The following MAN1A2 variants were observed in gnomAD, a reference collection of about 807,000 sequenced individuals.
MAN1A2 encodes mannosidase alpha class 1A member 2, also known as mannosyl-oligosaccharide 1,2-alpha-mannosidase IB.
A neutral mutation model predicts 75.7 loss-of-function variants in MAN1A2; 26 were observed. That is an observed-to-expected ratio of 0.34 (90% CI 0.25 to 0.48). The LOEUF (loss-of-function observed/expected upper bound fraction) is 0.48. Among genes scored for constraint, MAN1A2 ranks in the 20% least tolerant of loss-of-function variants. The pLI is 0.99. For missense variants in MAN1A2, 562 were observed against 775.5 expected, an observed-to-expected ratio of 0.72 and a Z score of 3.27; for synonymous variants, 247 against 264.6, an observed-to-expected ratio of 0.93 and a Z score of 0.65.
intron 10 of MAN1A2, among the ~76,000 whole-genome samples, 195 bp downstream of exon 10, chr1:117,497,177 TCTG>T (rs1192249894): frequency 2.0e-5 from 3 of 152,158 alleles, no homozygotes; most frequent in South Asian, 2.1e-4. Context: ...AATTCTGAAT[TCTG>T]CTGCTGTTTC....
At chr1:117,448,151 T>C (rs1336457831) in intron 6 of MAN1A2, among the ~76,000 whole-genome samples, 1 of 152,144 alleles carries the variant, frequency 6.6e-6, no homozygotes, top group East Asian at 1.9e-4. Context: ...TTGTTAGCTC[T>C]ATTCCTGAAT....
intron 12 of MAN1A2, among the ~76,000 whole-genome samples, chr1:117,513,005 A>G (rs528658677): frequency 6.6e-6 from 1 of 152,280 alleles, no homozygotes; most frequent in African/African-American, 2.4e-5. Context: ...CTTTATTGAA[A>G]TATGTTAAGT....
chr1:117,501,331 G>A (rs1357020207), intron 11 of MAN1A2, among the ~76,000 whole-genome samples: 1 of 151,766 alleles, frequency 6.6e-6, no homozygotes, highest in East Asian at 1.9e-4. Flanking sequence ...AGAAGAGGGA[G>A]GAATGGAGGC....
rs374436749 is a variant in MAN1A2 at position 117,445,058 on chromosome 1, G to T, written c.950+2733G>T. 5.3e-5 allele frequency among the ~76,000 whole-genome samples: 8 copies of T among 152,074 alleles called. No homozygotes were observed. In the East Asian group the frequency reaches 1.5e-3, roughly 29 times the overall value. ...ATTCCTATTTCACTGAGATGTTCTT[G>T]TTGTTGTTTTATCATGAATGGATGT... On this transcript the variant is annotated intron_variant, in intron 6 of 12. Coordinates refer to ENST00000356554, the MANE Select transcript of MAN1A2 (RefSeq NM_006699.5).
chr1:117,435,599 A>G (rs1380721875), intron 5 of MAN1A2, among the ~76,000 whole-genome samples: 2 of 152,234 alleles, frequency 1.3e-5, no homozygotes, highest in Non-Finnish European at 2.9e-5. Flanking sequence ...CAAACATGGA[A>G]TAAAAATCCA....
chr1:117,415,315 C>A (rs1647953039), intron 4 of MAN1A2, among the ~76,000 whole-genome samples: 1 of 152,102 alleles, frequency 6.6e-6, no homozygotes, highest in Admixed American at 6.6e-5. Flanking sequence ...CAATTATTTT[C>A]ATTATCACCA....
chr1:117,477,657 T>A (rs1650366134), intron 8 of MAN1A2, among the ~76,000 whole-genome samples: 1 of 152,014 alleles, frequency 6.6e-6, no homozygotes, highest in African/African-American at 2.4e-5. Context: ...AAGACCTATT[T>A]ATGACAAACC....
rs998824229 is a variant in MAN1A2 at position 117,526,385 on chromosome 1, T to G, written c.*3428T>G. On this transcript the variant is annotated 3_prime_UTR_variant, in exon 13 of 13. Transcript: ENST00000356554. ...AAAATTCTTAATTTTATATTTCATATAAATTAAAGAGGAAAAAGAAAAGGT... is the reference window on the plus strand; with the variant it reads ...AAAATTCTTAATTTTATATTTCATAGAAATTAAAGAGGAAAAAGAAAAGGT... 6.6e-5 allele frequency: 10 copies of G among 151,750 alleles called. No individual in the cohort carries two copies. Among genetic ancestry groups the G allele is most frequent in the Non-Finnish European group, 1.2e-4 (8 of 67,800 alleles). The allele number at this position is 151,750 out of a possible 1,614,324, so 9.4% of individuals were successfully genotyped here. A position where few individuals can be genotyped will look rare whatever the true frequency, so the allele number is the denominator to read the frequency against.
At chr1:117,449,053 A>G (rs529483945) in intron 6 of MAN1A2, among the ~76,000 whole-genome samples, 3 of 152,114 alleles carry the variant, frequency 2.0e-5, no homozygotes, top group Non-Finnish European at 2.9e-5. Context: ...ACTCTAGGGC[A>G]CCATGAGCAA....
chr1:117,368,309 T>A lies in MAN1A2; in HGVS notation c.126T>A (p.Ile42=). 1 of 1,614,154 alleles carries A rather than the reference T, an allele frequency of 6.2e-7. No individual in the cohort carries two copies. Among genetic ancestry groups the A allele is most frequent in the Non-Finnish European group, 8.5e-7 (1 of 1,180,020 alleles). The part of the protein sequence containing the change: ...RLSEKFILLL[I]LSAFITLCFG... Reference sequence around the variant, plus strand: ...CTGAGAAGTTTATTCTTCTCCTTATTCTTAGTGCCTTCATCACTCTGTGTT... The same window carrying A: ...CTGAGAAGTTTATTCTTCTCCTTATACTTAGTGCCTTCATCACTCTGTGTT... The change falls in exon 1 of 13, where the codon ATT becomes ATA. Residue 42 remains isoleucine, a synonymous_variant. Coordinates refer to ENST00000356554, the MANE Select transcript of MAN1A2 (RefSeq NM_006699.5).
chr1:117,389,172 C>T (rs979872197), intron 1 of MAN1A2, among the ~76,000 whole-genome samples: 1 of 152,124 alleles, frequency 6.6e-6, no homozygotes, highest in East Asian at 1.9e-4. Flanking sequence ...AAAGAAAGAA[C>T]GAGTTACTAT....
intron 4 of MAN1A2, among the ~76,000 whole-genome samples, chr1:117,417,066 C>A (rs1181319631): frequency 6.6e-6 from 1 of 152,072 alleles, no homozygotes. Context: ...CTTTTTAGAA[C>A]CTCCTAATGT....
chr1:117,440,200 A>G (rs921623409), intron 5 of MAN1A2, among the ~76,000 whole-genome samples: 5 of 152,058 alleles, frequency 3.3e-5, no homozygotes, highest in Non-Finnish European at 4.4e-5. Flanking sequence ...AGAGACAAAG[A>G]CTCTGAGTGT....
Position 117,368,326 on chromosome 1 carries a change from C to G in MAN1A2, c.143C>G (p.Thr48Ser). 1.2e-6 allele frequency: 2 copies of G among 1,614,146 alleles called. No individual in the cohort carries two copies. The highest frequency in any genetic ancestry group is 4.5e-5 in the East Asian group (2 of 44,864). Residue 48 changes from threonine (T) to serine (S), a missense_variant, in exon 1 of 13, where the codon ACT (threonine) becomes AGT (serine). Thr to Ser is a moderately conservative substitution (Grantham distance 58). Coordinates refer to ENST00000356554, the MANE Select transcript of MAN1A2 (RefSeq NM_006699.5). Reference protein sequence around the residue: ...ILLLILSAFITLCFGAFFFLP... With the variant: ...ILLLILSAFISLCFGAFFFLP... Reference sequence around the variant, plus strand: ...CTCCTTATTCTTAGTGCCTTCATCACTCTGTGTTTTGGGGCATTCTTTTTC... The same window carrying G: ...CTCCTTATTCTTAGTGCCTTCATCAGTCTGTGTTTTGGGGCATTCTTTTTC...
At chr1:117,420,164 G>A (rs754361475) in intron 4 of MAN1A2, among the ~76,000 whole-genome samples, 1 of 151,880 alleles carries the variant, frequency 6.6e-6, no homozygotes, top group Non-Finnish European at 1.5e-5. Flanking sequence ...GGAGGAGAGA[G>A]GAAGTAAAAA....
At chr1:117,388,893 C>T (rs895790471) in intron 1 of MAN1A2, among the ~76,000 whole-genome samples, 24 of 152,136 alleles carry the variant, frequency 1.6e-4, no homozygotes, top group Admixed American at 2.0e-4. Context: ...ATTTTCATGT[C>T]TTCACAGATA....
chr1:117,368,105 T>C lies in MAN1A2; in HGVS notation c.-79T>C. The C allele has an allele frequency of 7.1e-7, 1 of 1,414,568 alleles. No homozygotes were observed. The highest frequency in any genetic ancestry group is 1.4e-5 in the South Asian group (1 of 72,060). 87.6% of individuals were successfully genotyped at this position (1,414,568 alleles called of 1,614,324 possible). A position where few individuals can be genotyped will look rare whatever the true frequency, so the allele number is the denominator to read the frequency against. On this transcript the variant is annotated 5_prime_UTR_variant, in exon 1 of 13. Transcript: ENST00000356554. Reference sequence around the variant, plus strand: ...TTGAGTTTTCCCATTTTGGCCAAGATTTTGAAGACAGTTCAATGTATTCTA... The same window carrying C: ...TTGAGTTTTCCCATTTTGGCCAAGACTTTGAAGACAGTTCAATGTATTCTA...
intron 6 of MAN1A2, among the ~76,000 whole-genome samples, chr1:117,445,386 G>C (rs1256442979): frequency 1.3e-5 from 2 of 152,000 alleles, no homozygotes; most frequent in East Asian, 1.9e-4. Flanking sequence ...TAAAATTTTT[G>C]TTTGCAGAAA....
At chr1:117,378,726 G>A (rs1653237511) in intron 1 of MAN1A2, among the ~76,000 whole-genome samples, 1 of 152,118 alleles carries the variant, frequency 6.6e-6, no homozygotes, top group African/African-American at 2.4e-5. Flanking sequence ...GATATTGTTA[G>A]AGTTTAAAAC....
Sources: allele counts gnomAD v4.1 joint callset (sites outside exome capture counted in the v4.1 genomes callset), GRCh38; gene constraint gnomAD v4.1.1; transcripts MANE v1.5; gene names NCBI Gene and HGNC (gene_info 2026-07-23, HGNC 2026-07-21).